The following GRB10 variants were observed in gnomAD, a reference collection of about 807,000 sequenced individuals.
GRB10 encodes growth factor receptor bound protein 10, also known as growth factor receptor-bound protein 10.
GRB10 carries 20 observed loss-of-function variants against 80.9 expected under a neutral mutation model. The observed-to-expected ratio is 0.25, with a 90% CI of 0.17 to 0.36. GRB10 has a LOEUF of 0.36. GRB10 is among the 10% of genes least tolerant of loss of function. GRB10 has a pLI of 1.00. For missense variants in GRB10, 548 were observed against 747.7 expected, an observed-to-expected ratio of 0.73 and a Z score of 3.12; for synonymous variants, 291 against 291.5, an observed-to-expected ratio of 1.00 and a Z score of 0.02.
At chr7:50,687,616 C>A (rs1446074438) in intron 5 of GRB10, among the ~76,000 whole-genome samples, 1 of 152,232 alleles carries the variant, frequency 6.6e-6, no homozygotes, top group Non-Finnish European at 1.5e-5. Flanking sequence ...GTAGGGAAGA[C>A]ACCATTTTGC....
chr7:50,719,968 C>T (rs145357495), intron 4 of GRB10, among the ~76,000 whole-genome samples: 1 of 152,106 alleles, frequency 6.6e-6, no homozygotes, highest in Non-Finnish European at 1.5e-5. Flanking sequence ...TTCTGCCCCC[C>T]ACTCCAGCTG....
At chr7:50,739,013 T>C (rs913687518) in intron 3 of GRB10, among the ~76,000 whole-genome samples, 3 of 152,192 alleles carry the variant, frequency 2.0e-5, no homozygotes, top group Non-Finnish European at 2.9e-5. Context: ...ATAATCTTCA[T>C]GATAAAGCTT....
At chr7:50,716,249 G>A (rs1331395071) in intron 4 of GRB10, among the ~76,000 whole-genome samples, 1 of 152,220 alleles carries the variant, frequency 6.6e-6, no homozygotes, top group Non-Finnish European at 1.5e-5. Context: ...CCTCAACAGT[G>A]GGGGCAAATT....
chr7:50,611,019 A>G (rs944557963), intron 13 of GRB10, among the ~76,000 whole-genome samples: 2 of 151,686 alleles, frequency 1.3e-5, no homozygotes, highest in Non-Finnish European at 2.9e-5. Flanking sequence ...TCCAAAACAG[A>G]TGATTCATTT....
chr7:50,793,140 G>A (rs2079007831), intron 1 of GRB10: 1 of 144,822 alleles, frequency 6.9e-6, no homozygotes, highest in African/African-American at 2.5e-5. Flanking sequence ...ATGACGGCGC[G>A]GGGACCCGCC....
intron 4 of GRB10, among the ~76,000 whole-genome samples, chr7:50,710,245 T>C (rs2065686597): frequency 1.3e-5 from 2 of 152,164 alleles, no homozygotes; most frequent in East Asian, 3.9e-4. Context: ...CCCCAGCACA[T>C]GGCCCAGCCT....
chr7:50,643,152 C>T (rs2056585530), intron 7 of GRB10, among the ~76,000 whole-genome samples: 1 of 152,112 alleles, frequency 6.6e-6, no homozygotes, highest in African/African-American at 2.4e-5. Context: ...ATATGAAAGG[C>T]CAACTTTTTG....
At chr7:50,633,104 C>T (rs1232478282) in intron 7 of GRB10, among the ~76,000 whole-genome samples, 2 of 152,184 alleles carry the variant, frequency 1.3e-5, no homozygotes, top group African/African-American at 4.8e-5. Context: ...CACCTACTGG[C>T]CTGTAGGGTG....
chr7:50,722,724 C>T (rs1029163463), intron 4 of GRB10, among the ~76,000 whole-genome samples: 1 of 152,048 alleles, frequency 6.6e-6, no homozygotes, highest in Non-Finnish European at 1.5e-5. Context: ...TGACAGGGTA[C>T]CGCCCCCTCT....
intron 8 of GRB10, among the ~76,000 whole-genome samples, chr7:50,622,228 G>A (rs1470965715): frequency 6.6e-6 from 1 of 152,198 alleles, no homozygotes; most frequent in Non-Finnish European, 1.5e-5. Context: ...TTTAGTGGGG[G>A]AAAGGACATC....
At chr7:50,695,300 C>T (rs1404225499) in intron 5 of GRB10, among the ~76,000 whole-genome samples, 1 of 152,196 alleles carries the variant, frequency 6.6e-6, no homozygotes, top group South Asian at 2.1e-4. Context: ...CCACACATTA[C>T]TGATAGCAAA....
chr7:50,705,778 T>C (rs1366849288), intron 4 of GRB10, among the ~76,000 whole-genome samples: 3 of 152,216 alleles, frequency 2.0e-5, no homozygotes, highest in African/African-American at 4.8e-5. Context: ...ATCCTACTAA[T>C]GAAAATACAG....
chr7:50,614,995 T>C, intron 11 of GRB10, 115 bp from the exon 12 acceptor site: 1 of 734,196 alleles, frequency 1.4e-6, no homozygotes, highest in Middle Eastern at 2.3e-4. Context: ...CCGATGACAC[T>C]ATACATATTA....
At chr7:50,628,495 G>C (rs1278857379) in intron 7 of GRB10, among the ~76,000 whole-genome samples, 1 of 151,980 alleles carries the variant, frequency 6.6e-6, no homozygotes, top group Non-Finnish European at 1.5e-5. Context: ...CCCTCCTACA[G>C]CTAGCTACCC....
At chr7:50,764,224 C>G (rs1312938380) in intron 2 of GRB10, among the ~76,000 whole-genome samples, 1 of 152,238 alleles carries the variant, frequency 6.6e-6, no homozygotes, top group African/African-American at 2.4e-5. Flanking sequence ...CCTGAGGGAT[C>G]AGGCCGCCTG....
intron 7 of GRB10, 66 bp downstream of exon 7, chr7:50,669,656 C>T: frequency 1.4e-6 from 2 of 1,461,150 alleles, no homozygotes; most frequent in Non-Finnish European, 9.5e-7. Context: ...TAATCTGGCA[C>T]ATCTGTGCAG....
chr7:50,749,134 G>GTTGTT (rs2073659870), intron 3 of GRB10, among the ~76,000 whole-genome samples: 4 of 137,906 alleles, frequency 2.9e-5, no homozygotes, highest in Admixed American at 7.5e-5. Context: ...TTTTTTGTTT[G>GTTGTT]TTTTTTTTTT....
chr7:50,681,440 G>T (rs1490371318), intron 5 of GRB10, among the ~76,000 whole-genome samples: 1 of 152,210 alleles, frequency 6.6e-6, no homozygotes, highest in South Asian at 2.1e-4. Flanking sequence ...GATGCCGCCC[G>T]ACCTTAAGGC....
At chr7:50,640,274 T>C (rs1303405627) in intron 7 of GRB10, among the ~76,000 whole-genome samples, 2 of 152,212 alleles carry the variant, frequency 1.3e-5, no homozygotes, top group Non-Finnish European at 2.9e-5. Flanking sequence ...GATCCCCAAA[T>C]GGGCTATGTG....
Sources: allele counts gnomAD v4.1 joint callset (sites outside exome capture counted in the v4.1 genomes callset), GRCh38; gene constraint gnomAD v4.1.1; transcripts MANE v1.5; gene names NCBI Gene and HGNC (gene_info 2026-07-23, HGNC 2026-07-21).